The following FMN2 variants were observed in gnomAD, a reference collection of about 807,000 sequenced individuals.
FMN2 encodes the protein formin 2, also known as formin-2.
In FMN2, 51 loss-of-function variants were observed where a neutral mutation model predicts 142.3. The observed-to-expected ratio is 0.36, with a 90% confidence interval of 0.29 to 0.45. FMN2 has a LOEUF of 0.45. Among genes scored for constraint, FMN2 ranks in the 20% least tolerant of loss-of-function variants. The pLI, the probability that FMN2 is intolerant of heterozygous loss-of-function variation, is 1.00. For missense variants in FMN2, 1,936 were observed against 2,122.8 expected, an observed-to-expected ratio of 0.91 and a Z score of 1.73; for synonymous variants, 882 against 869.8, an observed-to-expected ratio of 1.01 and a Z score of -0.25.
At chr1:240,242,942 C>G (rs1320497254) in intron 6 of FMN2, among the ~76,000 whole-genome samples, 1 of 152,094 alleles carries the variant, frequency 6.6e-6, no homozygotes, top group Non-Finnish European at 1.5e-5. Flanking sequence ...TGGTGCCAAC[C>G]AGATAGTCTG....
At chr1:240,366,372 A>G (rs543326805) in intron 14 of FMN2, among the ~76,000 whole-genome samples, 2 of 152,278 alleles carry the variant, frequency 1.3e-5, no homozygotes, top group Admixed American at 6.5e-5. Flanking sequence ...AATTTTAGGA[A>G]CTTTGTGTGA....
rs150653363 is a variant in FMN2, at chr1:240,317,635, T to A, written c.4216-11441T>A. Among the ~76,000 whole-genome samples the A allele has an allele frequency of 5.3e-3, 803 of 152,340 alleles. 3 individuals carry two copies. Among genetic ancestry groups the A allele is most frequent in the Non-Finnish European group, 8.6e-3 (587 of 68,032 alleles). On this transcript the variant is annotated intron_variant, in intron 8 of 17. Transcript: ENST00000319653. ...TATGAACATACTAACATTTGTTTAA[T>A]CTTTCACCTACTGAAAGGCATTTGG...
intron 1 of FMN2, among the ~76,000 whole-genome samples, chr1:240,116,053 A>T (rs896153039): frequency 1.3e-5 from 2 of 152,210 alleles, no homozygotes; most frequent in African/African-American, 4.8e-5. Context: ...TTCCTTTAGT[A>T]TGCTAATGAT....
At chr1:240,319,127 G>T (rs1213110314) in intron 8 of FMN2, among the ~76,000 whole-genome samples, 1 of 152,136 alleles carries the variant, frequency 6.6e-6, no homozygotes, top group Non-Finnish European at 1.5e-5. Flanking sequence ...AGTGGATGAA[G>T]ACCTGGCAGT....
chr1:240,315,029 C>T (rs1221792234), intron 8 of FMN2, among the ~76,000 whole-genome samples: 1 of 152,200 alleles, frequency 6.6e-6, no homozygotes, highest in Admixed American at 6.5e-5. Flanking sequence ...TCCTTGATGG[C>T]AGGCAAGCAT....
chr1:240,361,252 C>T (rs535537540), intron 14 of FMN2, among the ~76,000 whole-genome samples: 1 of 148,064 alleles, frequency 6.8e-6, no homozygotes, highest in Admixed American at 6.8e-5. Context: ...GTAGTTGCGT[C>T]GTGGGAGGGA....
intron 16 of FMN2, among the ~76,000 whole-genome samples, chr1:240,447,131 C>T (rs1484838228): frequency 2.0e-5 from 3 of 152,090 alleles, no homozygotes; most frequent in South Asian, 2.1e-4. Flanking sequence ...TTTTATTTGA[C>T]AGACAGCAAT....
intron 14 of FMN2, among the ~76,000 whole-genome samples, chr1:240,359,654 A>G (rs1672394591): frequency 6.6e-6 from 1 of 152,212 alleles, no homozygotes; most frequent in Non-Finnish European, 1.5e-5. Flanking sequence ...CTCACTGGGA[A>G]CATCTCTCAC....
chr1:240,238,904 A>C (rs548459476), intron 6 of FMN2, among the ~76,000 whole-genome samples: 1 of 152,326 alleles, frequency 6.6e-6, no homozygotes, highest in African/African-American at 2.4e-5. Flanking sequence ...GTTTCCATTT[A>C]TGATGCTCAA....
In FMN2 at chr1:240,248,869, T is replaced by C. The variant is rs1668178979; in HGVS notation, c.4066-9076T>C. Among the ~76,000 whole-genome samples, 4 of 152,248 alleles carry C rather than the reference T, an allele frequency of 2.6e-5. No homozygotes were observed. The South Asian group carries it at 8.3e-4, about 32-fold the overall frequency. ...TGTTGGCCATTCGTATGTTGTCTTT[T>C]GAGAAATGTCTACTCATATCCTCCT... is the stretch of plus-strand genomic sequence containing the variant. On this transcript the variant is annotated intron_variant, in intron 6 of 17. Coordinates refer to ENST00000319653, the MANE Select transcript of FMN2 (RefSeq NM_020066.5).
intron 7 of FMN2, among the ~76,000 whole-genome samples, chr1:240,263,795 T>C (rs1668707641): frequency 6.6e-6 from 1 of 152,198 alleles, no homozygotes; most frequent in Non-Finnish European, 1.5e-5. Context: ...CGTTTCAATA[T>C]ACTGCAGGGA....
chr1:240,145,066 A>C, intron 2 of FMN2: 2 of 1,409,518 alleles, frequency 1.4e-6, no homozygotes, highest in Non-Finnish European at 2.0e-6. Flanking sequence ...TCAGTTTGCC[A>C]TAGTGTGGAC....
intron 8 of FMN2, among the ~76,000 whole-genome samples, chr1:240,307,193 G>T (rs1316662210): frequency 6.6e-6 from 1 of 152,010 alleles, no homozygotes; most frequent in African/African-American, 2.4e-5. Flanking sequence ...CATTCTGTTG[G>T]TTATCTGTTT....
At chr1:240,183,036 C>T (rs1224501011) in intron 3 of FMN2, among the ~76,000 whole-genome samples, 2 of 151,844 alleles carry the variant, frequency 1.3e-5, no homozygotes, top group Non-Finnish European at 2.9e-5. Flanking sequence ...TCCACCTCAG[C>T]CTCCCAAAGT....
chr1:240,288,014 A>G (rs1237491278), intron 7 of FMN2, among the ~76,000 whole-genome samples: 2 of 152,210 alleles, frequency 1.3e-5, no homozygotes, highest in African/African-American at 4.8e-5. Flanking sequence ...GTTATTTATG[A>G]AAGGACAATC....
rs34557711 is a variant in FMN2, at chr1:240,265,917, G to GTTT, written c.4153+7898_4153+7900dup. On this transcript the variant is annotated intron_variant, in intron 7 of 17. Coordinates refer to ENST00000319653, the MANE Select transcript of FMN2 (RefSeq NM_020066.5). The stretch of plus-strand genomic sequence containing the variant: ...TAAGAGAGATAACTTAAAGGGGTTT[G>GTTT]TTTTTTTTTTTTTTTCCTTTTTTCA... Among the ~76,000 whole-genome samples the GTTT allele has an allele frequency of 1.8e-3, 238 of 135,990 alleles. 2 individuals are homozygous for GTTT. Among genetic ancestry groups the GTTT allele is most frequent in the African/African-American group, 6.2e-3 (228 of 37,036 alleles). 89.2% of individuals were successfully genotyped at this position (135,990 alleles called of 152,430 possible).
At chr1:240,373,366 A>G (rs1672936396) in intron 14 of FMN2, among the ~76,000 whole-genome samples, 1 of 152,090 alleles carries the variant, frequency 6.6e-6, no homozygotes, top group Admixed American at 6.6e-5. Context: ...TGCTGAATCA[A>G]TTGATTCTTC....
At chr1:240,177,790 G>A (rs1664980622) in intron 2 of FMN2, 131 bp from the exon 3 acceptor site, 1 of 713,994 alleles carries the variant, frequency 1.4e-6, no homozygotes, top group Admixed American at 3.8e-5. Flanking sequence ...TAAAAATGCT[G>A]TTTTAATGTT....
intron 14 of FMN2, among the ~76,000 whole-genome samples, chr1:240,364,453 CCT>C (rs1475723263): frequency 6.6e-6 from 1 of 152,084 alleles, no homozygotes; most frequent in Non-Finnish European, 1.5e-5. Flanking sequence ...AAAACTCTTT[CCT>C]CTCTTGTAGT....
Sources: gnomAD v4.1 joint callset for allele counts (sites outside exome capture counted in the v4.1 genomes callset) on GRCh38, gnomAD v4.1.1 for gene constraint, MANE v1.5 for transcripts, NCBI Gene and HGNC (gene_info 2026-07-23, HGNC 2026-07-21) for gene names.